TMEM232: variants seen among roughly 807,000 people sequenced by gnomAD.
TMEM232 encodes the protein transmembrane protein 232.
A neutral mutation model predicts 78.8 loss-of-function variants in TMEM232; 80 were observed. That is an observed-to-expected ratio of 1.01 (90% confidence interval 0.85 to 1.22). TMEM232 has a LOEUF of 1.22. Among genes scored for constraint, TMEM232 ranks in the 50% most tolerant of loss-of-function variants. The probability of loss-of-function intolerance (pLI) is 0.00; values close to 1 mark genes in which losing one functional copy is unlikely to be tolerated. For synonymous variants in TMEM232, 297 were observed against 254.3 expected (o/e 1.17, Z -1.60); for missense variants, 881 against 742.2 (o/e 1.19, Z -2.17).
At position 110,419,625 on chromosome 5, in the gene TMEM232, GA is replaced by G. The variant is rs1255863161; in HGVS notation, c.*954del. ...AGTGATGGGAAATTTCTCTATATGG[GA>G]TAGGTATTCCTTAGCCGGCTTCACT... On this transcript the variant is annotated 3_prime_UTR_variant, in exon 14 of 14. Transcript: ENST00000455884. Among the ~76,000 whole-genome samples, 5 of 152,088 alleles carry G rather than the reference GA, an allele frequency of 3.3e-5. No individual in the cohort carries two copies. Among genetic ancestry groups the G allele is most frequent in the Admixed American group, 2.0e-4 (3 of 15,252 alleles).
At chr5:110,653,675 C>G (rs767935390) in intron 2 of TMEM232, among the ~76,000 whole-genome samples, 72 of 152,162 alleles carry the variant, frequency 4.7e-4, no homozygotes, top group Middle Eastern at 6.8e-3. Context: ...ATCATGATGT[C>G]AAGCATACAG....
At chr5:110,650,887 A>T (rs974829481) in intron 2 of TMEM232, among the ~76,000 whole-genome samples, 14 of 152,176 alleles carry the variant, frequency 9.2e-5, no homozygotes, top group Non-Finnish European at 7.3e-5. Flanking sequence ...GATGTTAGCA[A>T]TAGGAGAAAC....
intron 1 of TMEM232, among the ~76,000 whole-genome samples, chr5:110,696,557 T>C (rs978727876): frequency 5.3e-5 from 8 of 152,150 alleles, no homozygotes; most frequent in Non-Finnish European, 2.9e-5. Context: ...GAAAACCCCA[T>C]AGTCTCAGCC....
upstream of TMEM232, among the ~76,000 whole-genome samples, chr5:110,727,155 A>G (rs115761566): frequency 6.5e-3 from 995 of 152,314 alleles, 6 homozygotes; most frequent in Non-Finnish European, 8.6e-3. Flanking sequence ...ACACAAAAGA[A>G]CGCCTCTTTT....
chr5:110,481,447 G>A, intron 12 of TMEM232, among the ~76,000 whole-genome samples: 1 of 152,048 alleles, frequency 6.6e-6, no homozygotes, highest in Non-Finnish European at 1.5e-5. Context: ...TGGCCACTGG[G>A]TTATGACAAT....
intron 1 of TMEM232, among the ~76,000 whole-genome samples, chr5:110,686,423 G>C (rs555075112): frequency 6.6e-6 from 1 of 151,956 alleles, no homozygotes; most frequent in African/African-American, 2.4e-5. Context: ...GCATGTGAGA[G>C]AGCCATTTTG....
intron 5 of TMEM232, among the ~76,000 whole-genome samples, chr5:110,630,150 G>A: frequency 6.6e-6 from 1 of 152,150 alleles, no homozygotes; most frequent in Non-Finnish European, 1.5e-5. Flanking sequence ...TGGATTCAAA[G>A]TACTTATAGA....
intron 11 of TMEM232, among the ~76,000 whole-genome samples, chr5:110,551,282 G>A (rs1236122083): frequency 6.6e-6 from 1 of 152,150 alleles, no homozygotes; most frequent in Non-Finnish European, 1.5e-5. Context: ...GGAGTGCAGT[G>A]GCCCAATCTT....
chr5:110,580,694 C>T (rs576669644), intron 10 of TMEM232, among the ~76,000 whole-genome samples: 1 of 151,114 alleles, frequency 6.6e-6, no homozygotes, highest in Admixed American at 6.6e-5. Flanking sequence ...ACTAAATAGA[C>T]CTAAAAGGCA....
chr5:110,661,513 T>C (rs1789795044), intron 2 of TMEM232, among the ~76,000 whole-genome samples: 2 of 152,050 alleles, frequency 1.3e-5, no homozygotes, highest in South Asian at 2.1e-4. Context: ...GGTTTTGCCA[T>C]GTTACCCAGG....
intron 2 of TMEM232, among the ~76,000 whole-genome samples, chr5:110,408,029 A>G (rs1409928603): frequency 6.6e-6 from 1 of 152,192 alleles, no homozygotes; most frequent in African/African-American, 2.4e-5. Flanking sequence ...TTTTAAACAA[A>G]TGAAAATGGA....
intron 12 of TMEM232, among the ~76,000 whole-genome samples, chr5:110,526,792 A>C (rs937307961): frequency 6.6e-6 from 1 of 151,968 alleles, no homozygotes; most frequent in Non-Finnish European, 1.5e-5. Flanking sequence ...AAGAAATCTA[A>C]AACAACCCAA....
chr5:110,516,988 A>C (rs1432541779), intron 12 of TMEM232, among the ~76,000 whole-genome samples: 1 of 152,152 alleles, frequency 6.6e-6, no homozygotes, highest in Non-Finnish European at 1.5e-5. Flanking sequence ...ACATTGTCTT[A>C]ATTTTCCTGT....
At chr5:110,394,546 C>A (rs1001735209) in intron 3 of TMEM232, among the ~76,000 whole-genome samples, 13 of 152,258 alleles carry the variant, frequency 8.5e-5, no homozygotes, top group East Asian at 7.7e-4. Context: ...TTTCCATTCC[C>A]ATCAACAGCT....
chr5:110,591,501 T>G (rs1309087894), intron 10 of TMEM232, among the ~76,000 whole-genome samples: 2 of 152,176 alleles, frequency 1.3e-5, no homozygotes, highest in African/African-American at 4.8e-5. Flanking sequence ...CACCTATAGT[T>G]TCTCACTATA....
At chr5:110,524,420 GAAAAGA>G (rs1770224003) in intron 12 of TMEM232, among the ~76,000 whole-genome samples, 2 of 117,198 alleles carry the variant, frequency 1.7e-5, no homozygotes, top group East Asian at 2.5e-4. Flanking sequence ...AGAAAGAAAA[GAAAAGA>G]AAAGAAAAGA....
At chr5:110,650,740 G>A (rs1788187640) in intron 2 of TMEM232, among the ~76,000 whole-genome samples, 1 of 152,088 alleles carries the variant, frequency 6.6e-6, no homozygotes, top group Admixed American at 6.6e-5. Context: ...TAAATGTAAT[G>A]TAGTGTCCTG....
intron 12 of TMEM232, among the ~76,000 whole-genome samples, chr5:110,502,209 A>G (rs1766342045): frequency 6.6e-6 from 1 of 152,144 alleles, no homozygotes; most frequent in Non-Finnish European, 1.5e-5. Context: ...TATGATTCCA[A>G]TCCCATCAAA....
intron 12 of TMEM232, among the ~76,000 whole-genome samples, chr5:110,432,727 T>C (rs1184500208): frequency 6.6e-6 from 1 of 151,762 alleles, no homozygotes; most frequent in Non-Finnish European, 1.5e-5. Flanking sequence ...TTCTGCTGTC[T>C]TTAAGAGACA....
Sources: allele counts gnomAD v4.1 joint callset (sites outside exome capture counted in the v4.1 genomes callset), GRCh38; gene constraint gnomAD v4.1.1; transcripts MANE v1.5; gene names NCBI Gene and HGNC (gene_info 2026-07-23, HGNC 2026-07-21).